Variants in PTPN14 observed in about 807,000 individuals in gnomAD.
PTPN14 encodes the protein tyrosine-protein phosphatase non-receptor type 14.
Under a neutral mutation model 126.8 loss-of-function variants are expected in PTPN14, and 53 were observed. The ratio of observed to expected loss-of-function variants is 0.42; its 90% confidence interval spans 0.34 to 0.53. The LOEUF (loss-of-function observed/expected upper bound fraction) is 0.53. PTPN14 is among the 20% of genes least tolerant of loss of function. The pLI is 0.08. For synonymous variants in PTPN14, 630 were observed against 599.3 expected, an observed-to-expected ratio of 1.05 and a Z score of -0.75; for missense variants, 1,257 against 1,552.9, an observed-to-expected ratio of 0.81 and a Z score of 3.20.
intron 1 of PTPN14, among the ~76,000 whole-genome samples, chr1:214,496,952 A>C (rs756899273): frequency 3.9e-5 from 6 of 152,234 alleles, no homozygotes; most frequent in Non-Finnish European, 8.8e-5. Flanking sequence ...AAAAAACATA[A>C]GAAAATACAT....
chr1:214,423,550 T>G (rs1659592007), intron 3 of PTPN14, among the ~76,000 whole-genome samples: 1 of 152,222 alleles, frequency 6.6e-6, no homozygotes, highest in Non-Finnish European at 1.5e-5. Flanking sequence ...ATGCTTTGTT[T>G]ACTGGCCAGT....
chr1:214,393,480 A>G (rs898491155), intron 10 of PTPN14, among the ~76,000 whole-genome samples: 3 of 152,198 alleles, frequency 2.0e-5, no homozygotes. Context: ...TTCACAGTCA[A>G]TTTGTGAATT....
intron 3 of PTPN14, among the ~76,000 whole-genome samples, chr1:214,421,165 T>G (rs971842541): frequency 2.0e-5 from 3 of 152,188 alleles, no homozygotes; most frequent in African/African-American, 7.2e-5. Context: ...TAACACCTGA[T>G]GGATGGATAA....
rs944471557 is a variant in PTPN14 at position 214,383,918 on chromosome 1, A to G, written c.1937T>C (p.Met646Thr). ...TVNKRHSLEV[M>T]NSMVRGMEAM... ...CTCCATGCCCCGCACCATGCTGTTCATCACCTCCAGGCTGTGGCGCTTGTT... is the reference window on the plus strand; with the variant it reads ...CTCCATGCCCCGCACCATGCTGTTCGTCACCTCCAGGCTGTGGCGCTTGTT... The change falls in exon 13 of 19, where the codon ATG becomes ACG. Residue 646 changes from methionine (M) to threonine (T), a missense_variant. By Grantham distance (81) the Met-to-Thr change is moderately conservative. This residue lies in a region of PTPN14 where 1,021 missense variants were observed against 1,183.3 expected (regional missense o/e 0.86). Coordinates refer to ENST00000366956, the MANE Select transcript of PTPN14 (RefSeq NM_005401.5). This position sits in a 1 kb window ranked among gnomAD's most constrained non-coding sequence, Gnocchi z 4.4. The G allele has an allele frequency of 1.2e-6, 2 of 1,613,310 alleles. No individual in the cohort carries two copies. Among genetic ancestry groups the G allele is most frequent in the Non-Finnish European group, 1.7e-6 (2 of 1,180,000 alleles).
At chr1:214,433,607 G>A (rs539656404) in intron 3 of PTPN14, among the ~76,000 whole-genome samples, 17 of 152,054 alleles carry the variant, frequency 1.1e-4, no homozygotes, top group Non-Finnish European at 2.4e-4. Context: ...ACTGAAGCAA[G>A]AATGTAACAA....
Position 214,372,828 on chromosome 1 carries a change from G to A in PTPN14, c.2919C>T (p.Gly973=), listed in dbSNP as rs115169012. 5.9e-5 allele frequency: 95 copies of A among 1,613,922 alleles called. No individual in the cohort carries two copies. The highest frequency in any genetic ancestry group is 2.3e-4 in the African/African-American group (17 of 75,016). ...INASHIKVVV[G]GAEWHYIATQ... is the part of the protein sequence containing the mutation. ...TGGCTATGTAGTGCCATTCTGCCCCGCCAACCACCACCTAAAAACCAAGAA... is the reference window on the plus strand; with the variant it reads ...TGGCTATGTAGTGCCATTCTGCCCCACCAACCACCACCTAAAAACCAAGAA... Residue 973 remains glycine, a synonymous_variant, in exon 16 of 19, where the codon GGC becomes GGT. Coordinates refer to ENST00000366956, the MANE Select transcript of PTPN14 (RefSeq NM_005401.5).
intron 1 of PTPN14, among the ~76,000 whole-genome samples, chr1:214,470,814 G>T (rs1572020834): frequency 7.2e-6 from 1 of 138,604 alleles, no homozygotes; most frequent in African/African-American, 2.7e-5. Flanking sequence ...GCACTTGAGT[G>T]CCCAACCGGG....
At chr1:214,390,191 A>G (rs1658716525) in intron 11 of PTPN14, among the ~76,000 whole-genome samples, 1 of 152,210 alleles carries the variant, frequency 6.6e-6, no homozygotes, top group Non-Finnish European at 1.5e-5. Context: ...GATTTTGTGT[A>G]AAAAAATCAT....
At chr1:214,501,377 C>A (rs999133061) in intron 1 of PTPN14, among the ~76,000 whole-genome samples, 1 of 152,088 alleles carries the variant, frequency 6.6e-6, no homozygotes, top group Non-Finnish European at 1.5e-5. Context: ...GTGGCTGGGA[C>A]TACAGGTGCC....
intron 1 of PTPN14, among the ~76,000 whole-genome samples, chr1:214,468,560 A>G (rs757503711): frequency 4.6e-5 from 7 of 150,812 alleles, no homozygotes; most frequent in Admixed American, 1.3e-4. Flanking sequence ...CTCAAAAACA[A>G]AAAAAAGAAA....
chr1:214,393,483 T>A (rs765655488), intron 10 of PTPN14, among the ~76,000 whole-genome samples: 4 of 152,220 alleles, frequency 2.6e-5, no homozygotes, highest in Non-Finnish European at 4.4e-5. Flanking sequence ...ACAGTCAATT[T>A]GTGAATTATT....
chr1:214,521,410 T>A (rs548080704), intron 1 of PTPN14, among the ~76,000 whole-genome samples: 55 of 152,246 alleles, frequency 3.6e-4, no homozygotes, highest in Non-Finnish European at 5.0e-4. Context: ...TGTGACAGTA[T>A]AAACAGAAAC....
chr1:214,422,776 C>A (rs911874058), intron 3 of PTPN14, among the ~76,000 whole-genome samples: 9 of 152,186 alleles, frequency 5.9e-5, no homozygotes, highest in Admixed American at 5.9e-4. Flanking sequence ...AAGATCATCT[C>A]TGTGAATGGG....
At chr1:214,493,398 A>G (rs2102420722) in intron 1 of PTPN14, among the ~76,000 whole-genome samples, 1 of 152,338 alleles carries the variant, frequency 6.6e-6, no homozygotes, top group South Asian at 2.1e-4. Flanking sequence ...CATGTACAAG[A>G]CAGCACAAAG....
intron 3 of PTPN14, among the ~76,000 whole-genome samples, chr1:214,424,423 C>T (rs111929994): frequency 1.4e-4 from 22 of 152,150 alleles, no homozygotes; most frequent in African/African-American, 5.1e-4. Context: ...GGGCTATCTG[C>T]TCAGAAGTCA....
chr1:214,400,752 G>A (rs960200462), intron 7 of PTPN14, among the ~76,000 whole-genome samples: 1 of 152,196 alleles, frequency 6.6e-6, no homozygotes, highest in Non-Finnish European at 1.5e-5. Flanking sequence ...ACCCTATGAA[G>A]GGCAGCTATT....
chr1:214,528,990 T>G (rs1325377995), intron 1 of PTPN14: 3 of 151,798 alleles, frequency 2.0e-5, no homozygotes, highest in African/African-American at 7.3e-5. Flanking sequence ...AGCTTGATGA[T>G]ACCCACAGCC....
At chr1:214,391,511 C>T (rs942175028) in intron 10 of PTPN14, among the ~76,000 whole-genome samples, 12 of 151,922 alleles carry the variant, frequency 7.9e-5, no homozygotes, top group African/African-American at 2.7e-4. Flanking sequence ...TATAAAGATA[C>T]TTTTTATTAA....
In PTPN14 at chr1:214,464,927, T is replaced by C; in HGVS notation, c.-124A>G. On this transcript the variant is annotated 5_prime_UTR_variant, in exon 2 of 19. Transcript: ENST00000366956. ...GCTCCTCCAGGCAGGGAAAAGGGTG[T>C]CCATGCCCAGTGTGGCCCTCTGGAA... 8.1e-7 allele frequency: 1 copy of C among 1,239,490 alleles called. No homozygotes were observed. Among genetic ancestry groups the C allele is most frequent in the Non-Finnish European group, 1.1e-6 (1 of 898,488 alleles). The allele number at this position is 1,239,490 out of a possible 1,614,324, so 76.8% of individuals were successfully genotyped here. A position where few individuals can be genotyped will look rare whatever the true frequency, so the allele number is the denominator to read the frequency against.
Sources: gnomAD v4.1 joint callset for allele counts (sites outside exome capture counted in the v4.1 genomes callset) on GRCh38, gnomAD v4.1.1 for gene constraint, gnomAD v4.1.1 regional missense constraint, Gnocchi (gnomAD v3.1) non-coding constraint, MANE v1.5 for transcripts, NCBI Gene and HGNC (gene_info 2026-07-23, HGNC 2026-07-21) for gene names.